Variants in KCTD13 observed in about 807,000 individuals in gnomAD.
KCTD13 encodes the protein potassium channel tetramerization domain containing 13, also known as BTB/POZ domain-containing adapter for CUL3-mediated RhoA degradation protein 1.
In KCTD13, 15 loss-of-function variants were observed where a neutral mutation model predicts 32.3. The ratio of observed to expected loss-of-function variants is 0.46; its 90% CI spans 0.31 to 0.71. KCTD13 has a LOEUF of 0.71. Among genes scored for constraint, KCTD13 ranks in the 30% least tolerant of loss-of-function variants. The pLI, the probability that KCTD13 is intolerant of heterozygous loss-of-function variation, is 0.05. For synonymous variants in KCTD13, 189 were observed against 200.1 expected (o/e 0.94, Z 0.47); for missense variants, 337 against 452.6 (o/e 0.74, Z 2.32).
chr16:29,920,821 G>C (rs2068898119), intron 2 of KCTD13: 1 of 152,170 alleles, frequency 6.6e-6, no homozygotes, highest in East Asian at 1.9e-4. Flanking sequence ...ATTCGGGAGA[G>C]CAATTAGATG....
chr16:29,924,719 C>CT (rs1185116743), intron 1 of KCTD13, among the ~76,000 whole-genome samples: 14 of 148,456 alleles, frequency 9.4e-5, no homozygotes, highest in Non-Finnish European at 1.6e-4. Context: ...TGAATTCTTC[C>CT]CTTTTTTTTT....
intron 2 of KCTD13, among the ~76,000 whole-genome samples, chr16:29,912,536 G>T (rs1449844311): frequency 6.6e-6 from 1 of 152,342 alleles, no homozygotes. Context: ...CACCTCCCGG[G>T]TTAAAGCAAT....
intron 2 of KCTD13, chr16:29,920,480 A>T (rs965316256): frequency 1.3e-5 from 2 of 152,222 alleles, no homozygotes; most frequent in Non-Finnish European, 2.9e-5. Context: ...TATAAGACAT[A>T]CCCATATGCA....
At chr16:29,907,979 T>TA (rs1171441273) in intron 5 of KCTD13, among the ~76,000 whole-genome samples, 4,361 of 137,450 alleles carry the variant, frequency 0.032, 211 homozygotes, top group African/African-American at 0.1. Flanking sequence ...CCTCATCTAT[T>TA]AAAAAAAAAA....
chr16:29,918,460 ATTTAT>A (rs781004686), intron 2 of KCTD13, among the ~76,000 whole-genome samples: 11 of 152,056 alleles, frequency 7.2e-5, no homozygotes, highest in Non-Finnish European at 1.0e-4. Context: ...CAGTCATTTT[ATTTAT>A]TTTATTATTT....
rs377384589 is a variant in KCTD13 at position 29,912,055 on chromosome 16, G to A, written c.415-6C>T. ...GACAGCGTCTCCCTTTTTTGCTGGG[G>A]AAGAAGCGGAAGGTGGTTAACAGCA... On this transcript the variant is annotated splice_polypyrimidine_tract_variant and splice_region_variant and intron_variant, in intron 2 of 5. Coordinates refer to ENST00000568000, the MANE Select transcript of KCTD13 (RefSeq NM_178863.5). 25 of 1,587,386 alleles carry A rather than the reference G, an allele frequency of 1.6e-5. No individual in the cohort carries two copies. In the African/African-American group the frequency reaches 3.0e-4, roughly 19 times the overall value.
chr16:29,917,316 T>C (rs2068826993), intron 2 of KCTD13, among the ~76,000 whole-genome samples: 1 of 152,122 alleles, frequency 6.6e-6, no homozygotes, highest in African/African-American at 2.4e-5. Context: ...GTGAGTTCCA[T>C]TTAGATTAAA....
At chr16:29,911,708 A>G in intron 4 of KCTD13, 107 bp downstream of exon 4, 1 of 1,211,732 alleles carries the variant, frequency 8.3e-7, no homozygotes, top group Non-Finnish European at 1.2e-6. Context: ...GAGCAGGCAC[A>G]GATGTTCTTG....
chr16:29,916,071 G>A (rs955138050), intron 2 of KCTD13, among the ~76,000 whole-genome samples: 2 of 152,054 alleles, frequency 1.3e-5, no homozygotes, highest in African/African-American at 4.8e-5. Context: ...TAGACCATCC[G>A]TTCCTTAGGT....
intron 2 of KCTD13, chr16:29,914,733 C>G (rs531260600): frequency 6.6e-6 from 1 of 152,436 alleles, no homozygotes; most frequent in Non-Finnish European, 1.5e-5. Flanking sequence ...GCATCCAGCC[C>G]TTAAGTGCAT....
intron 2 of KCTD13, chr16:29,914,903 A>G: frequency 6.6e-6 from 1 of 152,116 alleles, no homozygotes; most frequent in Non-Finnish European, 1.5e-5. Context: ...GCTACTCAGG[A>G]GGCCAAGGTG....
rs2068731069 is a variant in KCTD13 at position 29,912,444 on chromosome 16, TTC to T, written c.415-397_415-396del. ...CATCCTGCCTTTTGTGTTATCAGTT[TTC>T]TTTTTCTTTTTTTGAGACAGAGTTT... On this transcript the variant is annotated intron_variant, in intron 2 of 5. Transcript: ENST00000568000. 2.0e-5 allele frequency: 5 copies of T among 244,554 alleles called. No homozygotes were observed. In the Admixed American group the frequency reaches 3.0e-4, roughly 15 times the overall value. 15.1% of individuals were successfully genotyped at this position (244,554 alleles called of 1,614,324 possible).
rs978379667 is a variant in KCTD13, at chr16:29,906,773, G to C, written c.*99C>G. 9.6e-7 allele frequency: 1 copy of C among 1,038,976 alleles called. No individual in the cohort carries two copies. Among genetic ancestry groups the C allele is most frequent in the Admixed American group, 2.0e-5 (1 of 49,340 alleles). The allele number at this position is 1,038,976 out of a possible 1,614,324, so 64.4% of individuals were successfully genotyped here. A position where few individuals can be genotyped will look rare whatever the true frequency, so the allele number is the denominator to read the frequency against. On this transcript the variant is annotated 3_prime_UTR_variant, in exon 6 of 6. Transcript: ENST00000568000. ...AATGAAGGGACAGAGGAGGACCCAC[G>C]ACTTGGCCAGCAGAGCCGGGGCAAA... is the stretch of plus-strand genomic sequence containing the variant.
intron 5 of KCTD13, among the ~76,000 whole-genome samples, chr16:29,907,798 T>A (rs2068638139): frequency 6.6e-6 from 1 of 151,228 alleles, no homozygotes; most frequent in African/African-American, 2.4e-5. Flanking sequence ...AATAAATAAA[T>A]AAATAAATAA....
chr16:29,908,859 AT>A (rs548853368), intron 5 of KCTD13, among the ~76,000 whole-genome samples: 1 of 149,062 alleles, frequency 6.7e-6, no homozygotes, highest in Non-Finnish European at 1.5e-5. Flanking sequence ...TGTCCAGTTA[AT>A]TTTTTTTTAT....
chr16:29,926,219 G>C lies in KCTD13; in HGVS notation c.-186C>G. On this transcript the variant is annotated 5_prime_UTR_variant, in exon 1 of 6. Coordinates refer to ENST00000568000, the MANE Select transcript of KCTD13 (RefSeq NM_178863.5). Reference sequence around the variant, plus strand: ...CTCGCACCACCCGGAAGCCGGCGCCGGGCAGCTGCGCAGGCGCGGCCCCGC... The same window carrying C: ...CTCGCACCACCCGGAAGCCGGCGCCCGGCAGCTGCGCAGGCGCGGCCCCGC... The C allele has an allele frequency of 1.6e-6, 1 of 610,182 alleles. No homozygotes were observed. 37.8% of individuals were successfully genotyped at this position (610,182 alleles called of 1,614,324 possible).
intron 2 of KCTD13, chr16:29,922,409 CAG>C (rs1180408193): frequency 6.6e-6 from 1 of 152,114 alleles, no homozygotes; most frequent in Non-Finnish European, 1.5e-5. Context: ...AAAAATAGAA[CAG>C]AATAACAGGC....
intron 2 of KCTD13, chr16:29,921,375 T>A (rs1331325455): frequency 1.3e-5 from 2 of 152,112 alleles, no homozygotes; most frequent in African/African-American, 4.8e-5. Context: ...TGTGCTGAGC[T>A]GCGTGAGGTG....
intron 2 of KCTD13, among the ~76,000 whole-genome samples, chr16:29,918,149 T>C (rs943692358): frequency 2.6e-5 from 4 of 152,248 alleles, no homozygotes; most frequent in Non-Finnish European, 5.9e-5. Context: ...AAAAGACTTA[T>C]AGGTATTCTG....
Sources: allele counts gnomAD v4.1 joint callset (sites outside exome capture counted in the v4.1 genomes callset), GRCh38; gene constraint gnomAD v4.1.1; transcripts MANE v1.5; gene names NCBI Gene and HGNC (gene_info 2026-07-23, HGNC 2026-07-21).